Variants in POU2F1 observed in about 807,000 individuals in gnomAD.
The protein encoded by POU2F1 is POU class 2 homeobox 1.
A neutral mutation model predicts 84.9 loss-of-function variants in POU2F1; 16 were observed. The observed-to-expected ratio is 0.19, with a 90% CI of 0.13 to 0.29. The LOEUF (loss-of-function observed/expected upper bound fraction) is 0.29, where lower values mean the gene tolerates loss of function less well. Among genes scored for constraint, POU2F1 ranks in the 10% least tolerant of loss-of-function variants. The pLI, the probability that POU2F1 is intolerant of heterozygous loss-of-function variation, is 1.00. For synonymous variants in POU2F1, 368 were observed against 368.3 expected, an observed-to-expected ratio of 1.00 and a Z score of 0.01; for missense variants, 738 against 942.6, an observed-to-expected ratio of 0.78 and a Z score of 2.84.
At chr1:167,371,774 A>C in intron 4 of POU2F1, 143 bp from the exon 5 acceptor site, 3 of 1,150,548 alleles carry the variant, frequency 2.6e-6, no homozygotes, top group Middle Eastern at 2.1e-4. Flanking sequence ...AACTAGGAAA[A>C]TACAAATAAA....
chr1:167,351,340 A>C (rs1658546708), intron 2 of POU2F1, among the ~76,000 whole-genome samples: 1 of 151,986 alleles, frequency 6.6e-6, no homozygotes, highest in Admixed American at 6.6e-5. Context: ...GGGCAACAAG[A>C]GCGAAACTCT....
In POU2F1 at chr1:167,221,028, C is replaced by T; in HGVS notation, c.61+70C>T. The T allele has an allele frequency of 6.7e-6, 9 of 1,337,496 alleles. No individual in the cohort carries two copies. In the South Asian group the frequency reaches 7.5e-5, roughly 11 times the overall value. The allele number at this position is 1,337,496 out of a possible 1,614,324, so 82.9% of individuals were successfully genotyped here. Reference sequence around the variant, plus strand: ...CGGCTCCCGCTGCCCCCCCCCGCGACTTAGCATAATTTATTAGTACTCAGG... The same window carrying T: ...CGGCTCCCGCTGCCCCCCCCCGCGATTTAGCATAATTTATTAGTACTCAGG... On this transcript the variant is annotated intron_variant, in intron 1 of 15. Transcript: ENST00000367866.
At chr1:167,393,100 C>T (rs1190732512) in intron 9 of POU2F1, among the ~76,000 whole-genome samples, 1 of 152,066 alleles carries the variant, frequency 6.6e-6, no homozygotes, top group Non-Finnish European at 1.5e-5. Context: ...TCATTATTTC[C>T]CAGTCTCAGT....
At chr1:167,299,283 A>G (rs535091772) in intron 1 of POU2F1, among the ~76,000 whole-genome samples, 2 of 152,218 alleles carry the variant, frequency 1.3e-5, no homozygotes, top group African/African-American at 4.8e-5. Flanking sequence ...ATATGAAGGC[A>G]GTGTGGTTAG....
Position 167,389,588 on chromosome 1 carries a change from CCAGCAACCCCAACACGCACAATAG to C in POU2F1, c.827_850del (p.Thr276_Pro283del), listed in dbSNP as rs767137090. On this transcript the variant is annotated inframe_deletion and splice_region_variant, in exon 9 of 16. Transcript: ENST00000367866. Reference sequence around the variant, plus strand: ...CATTGTTTTATTCTTTCTCCAACAGCCAGCAACCCCAACACGCACAATAGCAGCAACCCCAATTCAGACACTTCC... The same window carrying C: ...CATTGTTTTATTCTTTCTCCAACAGCCAGCAACCCCAATTCAGACACTTCC... 6.2e-7 allele frequency: 1 copy of C among 1,614,068 alleles called. No homozygotes were observed. Among genetic ancestry groups the C allele is most frequent in the Admixed American group, 1.7e-5 (1 of 60,028 alleles).
At position 167,413,090 on chromosome 1, in the gene POU2F1, A is replaced by G; in HGVS notation, c.1966A>G (p.Asn656Asp). ...TGCTCTCAGCCCAGCTCTAATGAGC[A>G]ACAGTACACTGGCAACTATTCAAGG... ...SGALSPALMS[N>D]STLATIQALA... is the part of the protein sequence containing the mutation. Residue 656 changes from asparagine (N) to aspartate (D), a missense_variant, in exon 15 of 16, where the codon AAC (asparagine) becomes GAC (aspartate). Around this residue, in one of 4 missense-constraint regions of POU2F1, gnomAD observed 319 missense variants for 386.0 expected, o/e 0.83. Coordinates refer to ENST00000367866, the MANE Select transcript of POU2F1 (RefSeq NM_002697.4). The G allele has an allele frequency of 6.2e-7, 1 of 1,613,908 alleles. No individual in the cohort carries two copies. The highest frequency in any genetic ancestry group is 8.5e-7 in the Non-Finnish European group (1 of 1,179,786).
At chr1:167,275,225 G>A (rs1312101557) in intron 1 of POU2F1, among the ~76,000 whole-genome samples, 1 of 151,726 alleles carries the variant, frequency 6.6e-6, no homozygotes, top group Non-Finnish European at 1.5e-5. Flanking sequence ...TGGAGTCCCA[G>A]TATGTTGCCC....
chr1:167,271,520 G>A (rs760072752), intron 1 of POU2F1, among the ~76,000 whole-genome samples: 17 of 152,188 alleles, frequency 1.1e-4, no homozygotes, highest in Non-Finnish European at 1.6e-4. Flanking sequence ...AAGATTTGGA[G>A]CTTTACAGTA....
intron 1 of POU2F1, among the ~76,000 whole-genome samples, chr1:167,301,315 G>T (rs931853451): frequency 1.2e-4 from 18 of 152,282 alleles, no homozygotes; most frequent in Admixed American, 3.3e-4. Context: ...TCACAGACAC[G>T]TTAGTTACTG....
intron 1 of POU2F1, among the ~76,000 whole-genome samples, chr1:167,223,217 T>C: frequency 6.6e-6 from 1 of 152,324 alleles, no homozygotes; most frequent in Non-Finnish European, 1.5e-5. Flanking sequence ...AGAATAAACA[T>C]AGGCATTGCG....
chr1:167,314,961 C>T (rs145867538), intron 1 of POU2F1, among the ~76,000 whole-genome samples: 1 of 152,106 alleles, frequency 6.6e-6, no homozygotes, highest in African/African-American at 2.4e-5. Context: ...CTCATGGGAT[C>T]TGGTTATTTT....
chr1:167,277,510 A>AT, intron 1 of POU2F1, among the ~76,000 whole-genome samples: 1 of 151,982 alleles, frequency 6.6e-6, no homozygotes, highest in East Asian at 1.9e-4. Flanking sequence ...AAAAAAAAAA[A>AT]AAAAAATTGC....
intron 1 of POU2F1, among the ~76,000 whole-genome samples, chr1:167,267,373 A>G (rs1225776592): frequency 6.7e-6 from 1 of 148,568 alleles, no homozygotes; most frequent in Non-Finnish European, 1.5e-5. Flanking sequence ...GTTTGATTGT[A>G]TTGTAATGTT....
chr1:167,376,534 A>G (rs1660344328), intron 7 of POU2F1: 1 of 157,410 alleles, frequency 6.4e-6, no homozygotes, highest in African/African-American at 2.4e-5. Flanking sequence ...GCTTCTAACC[A>G]TTGTTTTTTT....
intron 1 of POU2F1, among the ~76,000 whole-genome samples, chr1:167,302,664 A>C (rs1454913919): frequency 6.6e-6 from 1 of 152,242 alleles, no homozygotes; most frequent in Admixed American, 6.5e-5. Flanking sequence ...AATGTACAGA[A>C]AAAAGTTATG....
intron 1 of POU2F1, among the ~76,000 whole-genome samples, chr1:167,273,157 G>A (rs1652491390): frequency 6.6e-6 from 1 of 152,226 alleles, no homozygotes; most frequent in Admixed American, 6.5e-5. Context: ...TATCCGGGCA[G>A]CACTGATGCA....
At chr1:167,276,994 T>G (rs957794338) in intron 1 of POU2F1, among the ~76,000 whole-genome samples, 4 of 152,190 alleles carry the variant, frequency 2.6e-5, no homozygotes, top group African/African-American at 9.7e-5. Flanking sequence ...GTCTAAGCCA[T>G]GGAATAGTTC....
At chr1:167,399,616 C>G (rs1649049839) in intron 12 of POU2F1, among the ~76,000 whole-genome samples, 1 of 152,062 alleles carries the variant, frequency 6.6e-6, no homozygotes, top group African/African-American at 2.4e-5. Flanking sequence ...AGGGTGAAAT[C>G]TCGTGTTGTT....
At chr1:167,306,031 C>T (rs1655041368) in intron 1 of POU2F1, among the ~76,000 whole-genome samples, 1 of 152,074 alleles carries the variant, frequency 6.6e-6, no homozygotes, top group Non-Finnish European at 1.5e-5. Flanking sequence ...GGAATTATTC[C>T]TTCCTTTTTG....
Sources: gnomAD v4.1 joint callset for allele counts (sites outside exome capture counted in the v4.1 genomes callset) on GRCh38, gnomAD v4.1.1 for gene constraint, gnomAD v4.1.1 regional missense constraint, MANE v1.5 for transcripts, NCBI Gene and HGNC (gene_info 2026-07-23, HGNC 2026-07-21) for gene names.